PLCH1: variants seen among roughly 807,000 people sequenced by gnomAD.
PLCH1 encodes the protein phospholipase C eta 1.
A neutral mutation model predicts 126.7 loss-of-function variants in PLCH1; 60 were observed. The ratio of observed to expected loss-of-function variants is 0.47; its 90% CI spans 0.38 to 0.59. PLCH1 has a LOEUF of 0.59. Ranked by LOEUF, PLCH1 falls within the 20% of genes least tolerant of loss-of-function variation. The pLI is 0.00. For synonymous variants in PLCH1, 719 were observed against 734.9 expected (o/e 0.98, Z 0.35); for missense variants, 1,723 against 2,040.0 (o/e 0.84, Z 2.99).
At chr3:155,546,658 C>A (rs1193409903) in intron 10 of PLCH1, among the ~76,000 whole-genome samples, 1 of 152,022 alleles carries the variant, frequency 6.6e-6, no homozygotes, top group African/African-American at 2.4e-5. Context: ...GCTACAGTAA[C>A]CAAAACAGCA....
chr3:155,461,285 G>A (rs1481776161), intron 21 of PLCH1, among the ~76,000 whole-genome samples: 1 of 151,918 alleles, frequency 6.6e-6, no homozygotes, highest in Non-Finnish European at 1.5e-5. Flanking sequence ...ATGATTAAGG[G>A]GCCTGCAACA....
chr3:155,583,838 A>G (rs953994604), intron 5 of PLCH1, among the ~76,000 whole-genome samples, 196 bp from the exon 6 acceptor site: 6 of 152,132 alleles, frequency 3.9e-5, no homozygotes, highest in African/African-American at 1.4e-4. Flanking sequence ...GAAAGTTTCA[A>G]CAAATTATAA....
At chr3:155,589,007 T>G (rs148770133) in intron 4 of PLCH1, among the ~76,000 whole-genome samples, 1 of 152,160 alleles carries the variant, frequency 6.6e-6, no homozygotes, top group Non-Finnish European at 1.5e-5. Flanking sequence ...AAGATATGAG[T>G]GTCCAATAAA....
At chr3:155,684,184 C>T (rs1254749288) in intron 2 of PLCH1, among the ~76,000 whole-genome samples, 1 of 152,154 alleles carries the variant, frequency 6.6e-6, no homozygotes, top group African/African-American at 2.4e-5. Context: ...ACCCCCTACC[C>T]CCTTATCCAG....
chr3:155,743,383 A>T, intron 1 of PLCH1: 1 of 382,734 alleles, frequency 2.6e-6, no homozygotes. Context: ...AATACAAAAA[A>T]TAGCTGGGCG....
chr3:155,550,937 T>A (rs901644903), intron 9 of PLCH1, among the ~76,000 whole-genome samples: 1 of 152,178 alleles, frequency 6.6e-6, no homozygotes, highest in African/African-American at 2.4e-5. Context: ...AACCTGATGC[T>A]GTGGGCCATC....
At chr3:155,635,865 C>G (rs73005096) in intron 2 of PLCH1, among the ~76,000 whole-genome samples, 45 of 152,198 alleles carry the variant, frequency 3.0e-4, no homozygotes, top group African/African-American at 1.0e-3. Context: ...AATAAGAGAA[C>G]GACAAATTGC....
intron 6 of PLCH1, among the ~76,000 whole-genome samples, chr3:155,582,321 G>A (rs1193058363): frequency 1.3e-5 from 2 of 151,456 alleles, no homozygotes; most frequent in Admixed American, 1.3e-4. Flanking sequence ...GACCTCAGGT[G>A]ATCCACCCGC....
At chr3:155,728,474 C>G (rs1748510911) in intron 1 of PLCH1, among the ~76,000 whole-genome samples, 1 of 152,116 alleles carries the variant, frequency 6.6e-6, no homozygotes, top group Admixed American at 6.6e-5. Context: ...GATAGAGAAA[C>G]TGAAGCACAG....
intron 2 of PLCH1, among the ~76,000 whole-genome samples, chr3:155,608,753 A>T (rs1402988897): frequency 6.6e-6 from 1 of 152,102 alleles, no homozygotes; most frequent in African/African-American, 2.4e-5. Flanking sequence ...ATCGGATGGT[A>T]TTTCTGTGCC....
chr3:155,472,859 C>T (rs1354436770), intron 21 of PLCH1, among the ~76,000 whole-genome samples: 291 of 151,670 alleles, frequency 1.9e-3, no homozygotes, highest in Non-Finnish European at 3.4e-3. Context: ...GCAGAAAAAG[C>T]CTTTGACAAA....
chr3:155,545,512 G>C (rs1351132952), intron 10 of PLCH1, among the ~76,000 whole-genome samples: 100 of 150,578 alleles, frequency 6.6e-4, no homozygotes, highest in Non-Finnish European at 1.2e-3. Flanking sequence ...AATAGAAAAA[G>C]AGGGAATCCT....
At chr3:155,703,208 T>G (rs1268440696) in intron 2 of PLCH1, among the ~76,000 whole-genome samples, 1 of 152,226 alleles carries the variant, frequency 6.6e-6, no homozygotes, top group Non-Finnish European at 1.5e-5. Flanking sequence ...TATCTTAAAC[T>G]TAGTTTAAAG....
chr3:155,499,267 G>A (rs1717540575), intron 14 of PLCH1, among the ~76,000 whole-genome samples: 1 of 152,188 alleles, frequency 6.6e-6, no homozygotes, highest in African/African-American at 2.4e-5. Flanking sequence ...AGAAAAGTGG[G>A]TAAGTGAGGG....
At chr3:155,636,111 T>C (rs573559697) in intron 2 of PLCH1, among the ~76,000 whole-genome samples, 21 of 152,182 alleles carry the variant, frequency 1.4e-4, no homozygotes, top group Non-Finnish European at 2.4e-4. Context: ...TGCCCCAACT[T>C]CCCCAACTTC....
intron 2 of PLCH1, among the ~76,000 whole-genome samples, chr3:155,679,847 T>G (rs1343609915): frequency 6.6e-6 from 1 of 152,200 alleles, no homozygotes; most frequent in Non-Finnish European, 1.5e-5. Flanking sequence ...GATTCAAGTC[T>G]GAGAAGATGT....
chr3:155,566,114 T>TATATATGTATATATAC (rs1319759846), intron 7 of PLCH1, among the ~76,000 whole-genome samples: 5 of 49,512 alleles, frequency 1.0e-4, no homozygotes, highest in Non-Finnish European at 1.9e-4. Context: ...TATATATACA[T>TATATATGTATATATAC]ATATATATGT....
At position 155,480,824 on chromosome 3, in the gene PLCH1, A is replaced by T. The variant is rs1713892241; in HGVS notation, c.*144T>A. On this transcript the variant is annotated 3_prime_UTR_variant, in exon 23 of 23. Transcript: ENST00000460012. ...TCTATATACAAACGCATTAACAGGGAGAACACATGAAGTCAAAGGGAGACC... is the reference window on the plus strand; with the variant it reads ...TCTATATACAAACGCATTAACAGGGTGAACACATGAAGTCAAAGGGAGACC... 1.5e-6 allele frequency: 1 copy of T among 677,158 alleles called. No homozygotes were observed. Among genetic ancestry groups the T allele is most frequent in the South Asian group, 1.9e-5 (1 of 52,546 alleles). The allele number at this position is 677,158 out of a possible 1,614,324, so 41.9% of individuals were successfully genotyped here. A position where few individuals can be genotyped will look rare whatever the true frequency, so the allele number is the denominator to read the frequency against.
chr3:155,459,272 G>A (rs977057683), intron 21 of PLCH1, among the ~76,000 whole-genome samples: 3 of 152,178 alleles, frequency 2.0e-5, no homozygotes, highest in African/African-American at 7.2e-5. Context: ...GACCATGTTT[G>A]ATCTATGGCA....
Sources: allele counts gnomAD v4.1 joint callset (sites outside exome capture counted in the v4.1 genomes callset), GRCh38; gene constraint gnomAD v4.1.1; transcripts MANE v1.5; gene names NCBI Gene and HGNC (gene_info 2026-07-23, HGNC 2026-07-21).